The following PARG variants were observed in gnomAD, a reference collection of about 807,000 sequenced individuals.
The protein encoded by PARG is mitochondrial poly(ADP-ribose) glycohydrolase.
Under a neutral mutation model 113.0 loss-of-function variants are expected in PARG, and 35 were observed. The observed-to-expected ratio is 0.31, with a 90% CI of 0.24 to 0.41. PARG has a LOEUF of 0.41. Among genes scored for constraint, PARG ranks in the 10% least tolerant of loss-of-function variants. The pLI is 1.00. For missense variants in PARG, 797 were observed against 1,169.4 expected (o/e 0.68, Z 4.64); for synonymous variants, 330 against 409.9 (o/e 0.81, Z 2.36).
chr10:49,842,375 T>C (rs1845286611), intron 14 of PARG, among the ~76,000 whole-genome samples: 1 of 152,192 alleles, frequency 6.6e-6, no homozygotes, highest in Non-Finnish European at 1.5e-5. Flanking sequence ...AAAAGGAATC[T>C]AGTTCTTTGT....
At chr10:49,821,424 G>A (rs954021063) in intron 16 of PARG, among the ~76,000 whole-genome samples, 10 of 152,148 alleles carry the variant, frequency 6.6e-5, no homozygotes, top group African/African-American at 2.4e-4. Flanking sequence ...CTGTCACCCA[G>A]GCTGGAATGT....
At chr10:49,844,236 G>A (rs899643621) in intron 13 of PARG, among the ~76,000 whole-genome samples, 16 of 152,226 alleles carry the variant, frequency 1.1e-4, no homozygotes, top group Middle Eastern at 3.4e-3. Context: ...CTGTGTACTA[G>A]CAACAAACAA....
intron 13 of PARG, among the ~76,000 whole-genome samples, chr10:49,850,849 C>T (rs1222782677): frequency 2.0e-5 from 3 of 151,892 alleles, no homozygotes; most frequent in African/African-American, 7.3e-5. Flanking sequence ...TTGTACTAAA[C>T]AAGTTAAACC....
At chr10:49,839,113 G>A (rs1436085414) in intron 15 of PARG, among the ~76,000 whole-genome samples, 1 of 152,036 alleles carries the variant, frequency 6.6e-6, no homozygotes, top group Non-Finnish European at 1.5e-5. Context: ...GAGATGGGCA[G>A]ATAACCTGAG....
intron 7 of PARG, among the ~76,000 whole-genome samples, chr10:49,902,977 G>A (rs1258283091): frequency 2.0e-5 from 3 of 151,822 alleles, no homozygotes; most frequent in African/African-American, 7.3e-5. Context: ...CAACTTACAC[G>A]CCACCACACC....
Position 49,901,938 on chromosome 10 carries a change from G to C in PARG, c.1737+13979C>G, listed in dbSNP as rs562413541. On this transcript the variant is annotated intron_variant, in intron 7 of 17. Coordinates refer to ENST00000616448, the MANE Select transcript of PARG (RefSeq NM_003631.5). ...GCAGTGATGAAAATGTTCTATATCT[G>C]TGCTGTCCAGGATGGCAGCCGGCAG... Among the ~76,000 whole-genome samples, 50 of 152,238 alleles carry C rather than the reference G, an allele frequency of 3.3e-4. No homozygotes were observed. The East Asian group carries it at 9.3e-3, about 28-fold the overall frequency.
At chr10:49,858,331 TCACACA>T (rs3048417) in intron 12 of PARG, among the ~76,000 whole-genome samples, 31,351 of 144,682 alleles carry the variant, frequency 0.22, 905 homozygotes, top group South Asian at 0.3. Flanking sequence ...AGGAGTTAGA[TCACACA>T]CACACACACA....
chr10:49,906,283 T>C (rs1349776700), intron 7 of PARG, among the ~76,000 whole-genome samples: 3 of 151,734 alleles, frequency 2.0e-5, no homozygotes, highest in African/African-American at 4.8e-5. Context: ...TGTCCAGCCA[T>C]GTGGTTCTAA....
chr10:49,898,011 C>CAACAAAAAAACAAAAAAACAA (rs1848178008), intron 7 of PARG, among the ~76,000 whole-genome samples: 1 of 152,022 alleles, frequency 6.6e-6, no homozygotes, highest in African/African-American at 2.4e-5. Flanking sequence ...CAAAAAAACA[C>CAACAAAAAAACAAAAAAACAA]AAAGACATTG....
chr10:49,917,816 T>G (rs1175210908), intron 6 of PARG, among the ~76,000 whole-genome samples: 19 of 122,614 alleles, frequency 1.5e-4, no homozygotes, highest in African/African-American at 5.5e-4. Context: ...AGATCCTGTC[T>G]CAGAAAAAAA....
chr10:49,941,984 C>G lies in PARG; in HGVS notation c.-259G>C. On this transcript the variant is annotated 5_prime_UTR_variant, in exon 1 of 18. Transcript: ENST00000616448. ...CGGGATTCGTTCACTTTCCCACCACCGGAAAGCTGCCGTCAGGCGCTTCCG... is the reference window on the plus strand; with the variant it reads ...CGGGATTCGTTCACTTTCCCACCACGGGAAAGCTGCCGTCAGGCGCTTCCG... The G allele has an allele frequency of 1.1e-6, 1 of 906,456 alleles. No individual in the cohort carries two copies. Among genetic ancestry groups the G allele is most frequent in the Non-Finnish European group, 1.7e-6 (1 of 581,316 alleles). The allele number at this position is 906,456 out of a possible 1,614,324, so 56.2% of individuals were successfully genotyped here.
At chr10:49,905,463 C>G (rs1355961423) in intron 7 of PARG, among the ~76,000 whole-genome samples, 2 of 152,184 alleles carry the variant, frequency 1.3e-5, no homozygotes, top group Non-Finnish European at 2.9e-5. Flanking sequence ...TTCCCCATTA[C>G]AACTGTGCTC....
At chr10:49,925,319 G>C (rs1408051450) in intron 4 of PARG, among the ~76,000 whole-genome samples, 3 of 151,934 alleles carry the variant, frequency 2.0e-5, no homozygotes, top group African/African-American at 7.3e-5. Context: ...ATAAAACCTT[G>C]GTCTTTAGAA....
At chr10:49,889,426 A>C (rs1199975672) in intron 7 of PARG, among the ~76,000 whole-genome samples, 1 of 152,190 alleles carries the variant, frequency 6.6e-6, no homozygotes, top group African/African-American at 2.4e-5. Context: ...TTTAGTACCC[A>C]AAGTGGAAAG....
intron 9 of PARG, among the ~76,000 whole-genome samples, chr10:49,877,430 G>A (rs1222417215): frequency 4.6e-5 from 7 of 151,332 alleles, no homozygotes; most frequent in African/African-American, 1.7e-4. Flanking sequence ...TAGAAACAAT[G>A]ACACTCTAGC....
chr10:49,847,348 T>A (rs1420622642), intron 13 of PARG, among the ~76,000 whole-genome samples: 3 of 151,616 alleles, frequency 2.0e-5, no homozygotes, highest in African/African-American at 7.2e-5. Context: ...AGGAACCTGG[T>A]CAACCCAACT....
intron 7 of PARG, among the ~76,000 whole-genome samples, chr10:49,900,404 G>A (rs1329805798): frequency 6.6e-6 from 1 of 150,378 alleles, no homozygotes; most frequent in Non-Finnish European, 1.5e-5. Context: ...ACTAGTCTGG[G>A]AACACAATCA....
chr10:49,862,720 C>G (rs1172898713), intron 11 of PARG, among the ~76,000 whole-genome samples: 3 of 150,992 alleles, frequency 2.0e-5, no homozygotes, highest in Non-Finnish European at 4.4e-5. Flanking sequence ...AATAAAGCAG[C>G]AGAGATGTGA....
At chr10:49,877,234 TAGG>T (rs1846986404) in intron 9 of PARG, among the ~76,000 whole-genome samples, 1 of 145,566 alleles carries the variant, frequency 6.9e-6, no homozygotes, top group South Asian at 2.2e-4. Flanking sequence ...AAATTTACAT[TAGG>T]AACTAACCAG....
Sources: gnomAD v4.1 joint callset for allele counts (sites outside exome capture counted in the v4.1 genomes callset) on GRCh38, gnomAD v4.1.1 for gene constraint, MANE v1.5 for transcripts, NCBI Gene and HGNC (gene_info 2026-07-23, HGNC 2026-07-21) for gene names.